Variants in RAB28 observed in about 807,000 individuals in gnomAD.
RAB28 encodes RAB28, member RAS oncogene family, also known as ras-related protein Rab-28.
A neutral mutation model predicts 31.7 loss-of-function variants in RAB28; 24 were observed. The observed-to-expected ratio is 0.76, with a 90% CI of 0.55 to 1.06. The LOEUF (loss-of-function observed/expected upper bound fraction) is 1.06, where lower values mean the gene tolerates loss of function less well. Among genes scored for constraint, RAB28 ranks in the 50% least tolerant of loss-of-function variants. The probability of loss-of-function intolerance (pLI) is 0.00; values close to 1 mark genes in which losing one functional copy is unlikely to be tolerated. For missense variants in RAB28, 254 were observed against 258.5 expected (o/e 0.98, Z 0.12); for synonymous variants, 100 against 90.4 (o/e 1.11, Z -0.60).
chr4:13,454,810 A>G (rs1394218982), intron 4 of RAB28, among the ~76,000 whole-genome samples: 1 of 151,832 alleles, frequency 6.6e-6, no homozygotes, highest in African/African-American at 2.4e-5. Flanking sequence ...AGCCTGGGGG[A>G]GTACCTGCCA....
At chr4:13,398,468 C>T (rs1239102140) in intron 4 of RAB28, among the ~76,000 whole-genome samples, 1 of 152,116 alleles carries the variant, frequency 6.6e-6, no homozygotes, top group Non-Finnish European at 1.5e-5. Flanking sequence ...TGGCATCTCA[C>T]AAAGTACACA....
At chr4:13,378,622 T>C (rs1021296158) in intron 5 of RAB28, among the ~76,000 whole-genome samples, 1 of 152,044 alleles carries the variant, frequency 6.6e-6, no homozygotes, top group African/African-American at 2.4e-5. Context: ...AAAAAAATAA[T>C]ACATATGAAA....
Position 13,460,857 on chromosome 4 carries a change from T to A in RAB28, c.262-29A>T, listed in dbSNP as rs774717939. 6 of 1,596,928 alleles carry A rather than the reference T, an allele frequency of 3.8e-6. No homozygotes were observed. The African/African-American group carries it at 8.1e-5, about 22-fold the overall frequency. ...TCACAAAAGAGTTACAAAATATCTG[T>A]AATGTATTATTTGGTGAAAAAATCT... On this transcript the variant is annotated intron_variant, in intron 3 of 6. Coordinates refer to ENST00000330852, the MANE Select transcript of RAB28 (RefSeq NM_001017979.3).
intron 6 of RAB28, chr4:13,369,796 G>A (rs1023984524): frequency 3.0e-6 from 4 of 1,338,648 alleles, no homozygotes; most frequent in African/African-American, 2.9e-5. Flanking sequence ...TATTCATAGG[G>A]AATAAAGAAC....
At chr4:13,377,538 AAAAG>A (rs1255984083) in intron 5 of RAB28, among the ~76,000 whole-genome samples, 1 of 152,190 alleles carries the variant, frequency 6.6e-6, no homozygotes, top group African/African-American at 2.4e-5. Context: ...GAGTGGTTAT[AAAAG>A]AAGACGAGCA....
chr4:13,405,736 T>C (rs565855627), intron 4 of RAB28, among the ~76,000 whole-genome samples: 9 of 152,166 alleles, frequency 5.9e-5, no homozygotes, highest in Non-Finnish European at 1.2e-4. Flanking sequence ...GATTACACTG[T>C]GAGAATTCAG....
At chr4:13,405,358 A>T (rs1335740467) in intron 4 of RAB28, among the ~76,000 whole-genome samples, 1 of 152,224 alleles carries the variant, frequency 6.6e-6, no homozygotes, top group African/African-American at 2.4e-5. Context: ...ATACGAGTTG[A>T]TACTGAAAAG....
intron 3 of RAB28, among the ~76,000 whole-genome samples, chr4:13,465,890 C>T (rs928439192): frequency 6.6e-6 from 1 of 151,588 alleles, no homozygotes; most frequent in Admixed American, 6.6e-5. Flanking sequence ...ACCAACAGAA[C>T]ATAATTAGAG....
At chr4:13,453,621 G>T (rs1453057179) in intron 4 of RAB28, among the ~76,000 whole-genome samples, 4 of 148,860 alleles carry the variant, frequency 2.7e-5, no homozygotes, top group Admixed American at 6.7e-5. Context: ...TGGCTGACGG[G>T]TTTTTTTTTT....
intron 4 of RAB28, among the ~76,000 whole-genome samples, chr4:13,414,440 A>T (rs1247206459): frequency 6.6e-6 from 1 of 152,242 alleles, no homozygotes; most frequent in Non-Finnish European, 1.5e-5. Context: ...TTCTCGTATC[A>T]AAGGGGAACT....
At chr4:13,439,699 T>G (rs1416084221) in intron 4 of RAB28, among the ~76,000 whole-genome samples, 1 of 152,224 alleles carries the variant, frequency 6.6e-6, no homozygotes, top group Non-Finnish European at 1.5e-5. Context: ...TGTTAGCTCT[T>G]AAGTTTAGGC....
intron 4 of RAB28, among the ~76,000 whole-genome samples, chr4:13,402,749 G>A (rs7677860): frequency 0.056 from 8,510 of 152,006 alleles, 544 homozygotes; most frequent in African/African-American, 0.16. Context: ...TAAGGGGCCA[G>A]ATAGTAAATA....
chr4:13,469,883 G>T (rs1391718890), intron 3 of RAB28, among the ~76,000 whole-genome samples: 1 of 151,884 alleles, frequency 6.6e-6, no homozygotes, highest in African/African-American at 2.4e-5. Flanking sequence ...TAGAGAAAGG[G>T]TCTCACTATG....
chr4:13,412,099 T>C (rs1283177651), intron 4 of RAB28, among the ~76,000 whole-genome samples: 2 of 151,854 alleles, frequency 1.3e-5, no homozygotes, highest in Admixed American at 6.6e-5. Flanking sequence ...CCACAATTTG[T>C]TGAAGAAGGG....
intron 3 of RAB28, among the ~76,000 whole-genome samples, chr4:13,465,114 G>C (rs1438058734): frequency 1.3e-5 from 2 of 151,678 alleles, no homozygotes; most frequent in Non-Finnish European, 2.9e-5. Flanking sequence ...AATGCAAAAA[G>C]AAAAAAACAA....
chr4:13,446,358 C>T (rs929358787), intron 4 of RAB28, among the ~76,000 whole-genome samples: 78 of 152,266 alleles, frequency 5.1e-4, no homozygotes, highest in African/African-American at 1.8e-3. Flanking sequence ...GCTTCAGCCC[C>T]CTTTCCAGGG....
intron 4 of RAB28, among the ~76,000 whole-genome samples, chr4:13,386,859 T>C (rs143956893): frequency 9.1e-4 from 138 of 152,170 alleles, no homozygotes; most frequent in African/African-American, 3.2e-3. Context: ...ATGCCTGTCA[T>C]TGACAGATTG....
intron 4 of RAB28, among the ~76,000 whole-genome samples, chr4:13,418,526 G>A (rs960940453): frequency 6.6e-6 from 1 of 152,182 alleles, no homozygotes; most frequent in Admixed American, 6.5e-5. Context: ...ACTCACAAGG[G>A]GAAGCCCATC....
rs545883195 is a variant in RAB28 at position 13,428,166 on chromosome 4, C to T, written c.391+32533G>A. Among the ~76,000 whole-genome samples the T allele has an allele frequency of 5.3e-5, 8 of 152,360 alleles. No homozygotes were observed. In the East Asian group the frequency reaches 1.5e-3, roughly 29 times the overall value. ...AGTTAGGTCAGGGGTCGATCTTTAA[C>T]CAGGCCCAGGGCGCGCCGCCGGGCT... On this transcript the variant is annotated intron_variant, in intron 4 of 6. Transcript: ENST00000330852.
Sources: allele counts gnomAD v4.1 joint callset (sites outside exome capture counted in the v4.1 genomes callset), GRCh38; gene constraint gnomAD v4.1.1; transcripts MANE v1.5; gene names NCBI Gene and HGNC (gene_info 2026-07-23, HGNC 2026-07-21).